Variants in GABRG3 observed in about 807,000 individuals in gnomAD.
GABRG3 encodes gamma-aminobutyric acid type A receptor subunit gamma3, also known as gamma-aminobutyric acid receptor subunit gamma-3.
In GABRG3, 25 loss-of-function variants were observed where a neutral mutation model predicts 48.8. The observed-to-expected ratio is 0.51, with a 90% CI of 0.37 to 0.72. GABRG3 has a LOEUF of 0.72. GABRG3 is among the 30% of genes least tolerant of loss of function. The probability of loss-of-function intolerance (pLI) is 0.00; values close to 1 mark genes in which losing one functional copy is unlikely to be tolerated. For missense variants in GABRG3, 394 were observed against 577.9 expected, an observed-to-expected ratio of 0.68 and a Z score of 3.26; for synonymous variants, 227 against 217.6, an observed-to-expected ratio of 1.04 and a Z score of -0.38.
At chr15:27,336,314 A>G (rs1205902273) in intron 5 of GABRG3, among the ~76,000 whole-genome samples, 1 of 151,552 alleles carries the variant, frequency 6.6e-6, no homozygotes, top group Non-Finnish European at 1.5e-5. Flanking sequence ...GAAGGAGAAG[A>G]AAAGAAAGAA....
In GABRG3 at chr15:27,040,052, G is replaced by A. The variant is rs893042582; in HGVS notation, c.270+13231G>A. Among the ~76,000 whole-genome samples the A allele has an allele frequency of 5.3e-5, 8 of 152,206 alleles. No homozygotes were observed. In the East Asian group the frequency reaches 7.7e-4, roughly 15 times the overall value. ...CCCCAAGTCTCCATTGGCCTGGGCC[G>A]CTGCCCTTCAGCCCACACCTTGGCA... On this transcript the variant is annotated intron_variant, in intron 3 of 9. Coordinates refer to ENST00000615808, the MANE Select transcript of GABRG3 (RefSeq NM_033223.5).
At chr15:27,387,432 C>T (rs905573736) in intron 5 of GABRG3, among the ~76,000 whole-genome samples, 2 of 152,068 alleles carry the variant, frequency 1.3e-5, no homozygotes, top group Non-Finnish European at 2.9e-5. Flanking sequence ...ATGTTCGAAG[C>T]CTATTCAACA....
rs1894965438 is a variant in GABRG3, at chr15:26,977,098, T to C, written c.150T>C (p.Ile50=). Reference sequence around the variant, plus strand: ...CCCAAGACACCGACGTGACTCTTATTCTCAACAAGTTGCTAAGAGAATATG... The same window carrying C: ...CCCAAGACACCGACGTGACTCTTATCCTCAACAAGTTGCTAAGAGAATATG... ...PKSQDTDVTL[I]LNKLLREYDK... Residue 50 remains isoleucine, a synonymous_variant, in exon 2 of 10, where the codon ATT becomes ATC. Transcript: ENST00000615808. The C allele has an allele frequency of 6.2e-7, 1 of 1,613,906 alleles. No individual in the cohort carries two copies. Among genetic ancestry groups the C allele is most frequent in the South Asian group, 1.1e-5 (1 of 91,082 alleles).
At chr15:27,137,888 C>T (rs943385186) in intron 3 of GABRG3, among the ~76,000 whole-genome samples, 2 of 152,106 alleles carry the variant, frequency 1.3e-5, no homozygotes, top group Non-Finnish European at 2.9e-5. Context: ...GTTTTCCCTT[C>T]TACTTGTTGA....
intron 3 of GABRG3, among the ~76,000 whole-genome samples, chr15:27,099,603 G>A (rs12905022): frequency 0.22 from 33,074 of 151,842 alleles, 4,045 homozygotes; most frequent in Middle Eastern, 0.34. Flanking sequence ...TTTAACATTC[G>A]AATTTTGGAG....
intron 5 of GABRG3, among the ~76,000 whole-genome samples, chr15:27,385,091 C>T (rs1011833064): frequency 6.6e-6 from 1 of 152,112 alleles, no homozygotes; most frequent in Non-Finnish European, 1.5e-5. Flanking sequence ...GATGCTTTGA[C>T]ATCATGAGGA....
chr15:26,992,307 C>G (rs996065074), intron 2 of GABRG3, among the ~76,000 whole-genome samples: 1 of 152,070 alleles, frequency 6.6e-6, no homozygotes, highest in Non-Finnish European at 1.5e-5. Flanking sequence ...TGTCATGTTC[C>G]AGATCTTAGA....
intron 3 of GABRG3, among the ~76,000 whole-genome samples, chr15:27,276,186 G>A (rs1197143124): frequency 2.0e-5 from 3 of 152,204 alleles, no homozygotes; most frequent in Non-Finnish European, 4.4e-5. Context: ...GAAGGCTTTG[G>A]GTAGGCCTTC....
intron 3 of GABRG3, among the ~76,000 whole-genome samples, chr15:27,188,502 T>G (rs1888177125): frequency 6.6e-6 from 1 of 152,002 alleles, no homozygotes; most frequent in Non-Finnish European, 1.5e-5. Flanking sequence ...TTTTCATGTG[T>G]TTTTTGGCTG....
intron 6 of GABRG3, among the ~76,000 whole-genome samples, chr15:27,486,988 A>G (rs917407695): frequency 6.6e-6 from 1 of 152,218 alleles, no homozygotes; most frequent in Non-Finnish European, 1.5e-5. Flanking sequence ...AAGAAATTCA[A>G]GAAGTGGTTT....
chr15:27,195,533 T>C (rs1888468485), intron 3 of GABRG3, among the ~76,000 whole-genome samples: 1 of 152,116 alleles, frequency 6.6e-6, no homozygotes, highest in South Asian at 2.1e-4. Context: ...GTTTTCACCA[T>C]GTTGGCCAGG....
chr15:27,429,100 G>A (rs1888375316), intron 5 of GABRG3, among the ~76,000 whole-genome samples: 1 of 152,098 alleles, frequency 6.6e-6, no homozygotes, highest in Non-Finnish European at 1.5e-5. Flanking sequence ...TCTCCTAATT[G>A]TTTCATTTAC....
intron 6 of GABRG3, among the ~76,000 whole-genome samples, chr15:27,505,266 G>A (rs1250879357): frequency 2.0e-5 from 3 of 152,086 alleles, no homozygotes; most frequent in African/African-American, 7.2e-5. Flanking sequence ...ATTACATGAT[G>A]CCAATATAAC....
At chr15:27,218,211 A>G (rs1352517386) in intron 3 of GABRG3, among the ~76,000 whole-genome samples, 1 of 152,068 alleles carries the variant, frequency 6.6e-6, no homozygotes, top group Non-Finnish European at 1.5e-5. Flanking sequence ...TTTGTTAAAG[A>G]TGAGGTCTCA....
At chr15:27,337,780 TAAAA>T (rs35043850) in intron 5 of GABRG3, among the ~76,000 whole-genome samples, 1 of 152,088 alleles carries the variant, frequency 6.6e-6, no homozygotes, top group African/African-American at 2.4e-5. Context: ...TTGACTAACC[TAAAA>T]AAAGCCATAA....
rs1432572187 is a variant in GABRG3 at position 27,539,367 on chromosome 15, G to A, written c.*6486G>A. The A allele has an allele frequency of 6.6e-6, 1 of 152,160 alleles. No individual in the cohort carries two copies. Among genetic ancestry groups the A allele is most frequent in the East Asian group, 1.9e-4 (1 of 5,188 alleles). The allele number at this position is 152,160 out of a possible 1,614,324, so 9.4% of individuals were successfully genotyped here. A position where few individuals can be genotyped will look rare whatever the true frequency, so the allele number is the denominator to read the frequency against. ...AACTGGATTCATTAGCACACGTGTG[G>A]GAACATGTGCCTGTGCCCACCCACA... On this transcript the variant is annotated 3_prime_UTR_variant, in exon 10 of 10. Coordinates refer to ENST00000615808, the MANE Select transcript of GABRG3 (RefSeq NM_033223.5).
chr15:27,248,586 C>T (rs537022324), intron 3 of GABRG3, among the ~76,000 whole-genome samples: 22 of 152,236 alleles, frequency 1.4e-4, no homozygotes, highest in African/African-American at 5.1e-4. Context: ...CCCATATTGG[C>T]AGAAGTTAAA....
chr15:27,174,465 C>T (rs898271529), intron 3 of GABRG3, among the ~76,000 whole-genome samples: 2 of 152,026 alleles, frequency 1.3e-5, no homozygotes, highest in Non-Finnish European at 1.5e-5. Context: ...TTTGGTTCTC[C>T]CAGAAAGCCT....
Position 26,971,487 on chromosome 15 carries a change from C to A in GABRG3, c.-49C>A. On this transcript the variant is annotated 5_prime_UTR_variant, in exon 1 of 10. Coordinates refer to ENST00000615808, the MANE Select transcript of GABRG3 (RefSeq NM_033223.5). ...GAGACCAGGTCCGCGCCGGAGGAAG[C>A]CGCGCCCGGCCGAGGCCCCGGACCC... 2 of 1,442,354 alleles carry A rather than the reference C, an allele frequency of 1.4e-6. No homozygotes were observed. Among genetic ancestry groups the A allele is most frequent in the Non-Finnish European group, 9.2e-7 (1 of 1,087,788 alleles). 89.3% of individuals were successfully genotyped at this position (1,442,354 alleles called of 1,614,324 possible).
Sources: allele counts gnomAD v4.1 joint callset (sites outside exome capture counted in the v4.1 genomes callset), GRCh38; gene constraint gnomAD v4.1.1; transcripts MANE v1.5; gene names NCBI Gene and HGNC (gene_info 2026-07-23, HGNC 2026-07-21).